The following PCDH15 variants were observed in gnomAD, a reference collection of about 807,000 sequenced individuals.
PCDH15 encodes protocadherin related 15.
PCDH15 carries 129 observed loss-of-function variants against 178.5 expected under a neutral mutation model. That is an observed-to-expected ratio of 0.72 (90% CI 0.63 to 0.84). PCDH15 has a LOEUF of 0.84. Ranked by LOEUF, PCDH15 falls within the 40% of genes least tolerant of loss-of-function variation. The pLI is 0.00. For synonymous variants in PCDH15, 800 were observed against 732.0 expected (o/e 1.09, Z -1.50); for missense variants, 2,230 against 2,099.9 (o/e 1.06, Z -1.21).
At chr10:54,753,862 T>A (rs1277279781) in intron 1 of PCDH15, among the ~76,000 whole-genome samples, 1 of 94,126 alleles carries the variant, frequency 1.1e-5, no homozygotes, top group African/African-American at 3.7e-5. Flanking sequence ...TTCTATTGTT[T>A]TTTTTTTGTT....
chr10:55,055,228 A>G (rs1257576571), intron 2 of PCDH15, among the ~76,000 whole-genome samples: 2 of 152,180 alleles, frequency 1.3e-5, no homozygotes, highest in Non-Finnish European at 2.9e-5. Context: ...TCTTTTGCAT[A>G]TGGCTAGCCT....
intron 2 of PCDH15, among the ~76,000 whole-genome samples, chr10:55,460,568 C>T (rs1004876493): frequency 6.6e-6 from 1 of 151,998 alleles, no homozygotes; most frequent in Admixed American, 6.6e-5. Context: ...TCAACTTGGG[C>T]CTTTTTAAAA....
intron 35 of PCDH15, among the ~76,000 whole-genome samples, chr10:53,811,840 G>T (rs748453453): frequency 3.9e-5 from 6 of 152,050 alleles, no homozygotes; most frequent in Non-Finnish European, 8.8e-5. Flanking sequence ...ACAAAATAAG[G>T]TTATATAATT....
At chr10:54,585,246 A>C (rs1429820815) in intron 2 of PCDH15, among the ~76,000 whole-genome samples, 3 of 152,116 alleles carry the variant, frequency 2.0e-5, no homozygotes, top group African/African-American at 7.2e-5. Context: ...TGGAATATCT[A>C]TCCTGTGCGG....
At chr10:55,365,739 C>T (rs987192859) in intron 2 of PCDH15, among the ~76,000 whole-genome samples, 4 of 152,078 alleles carry the variant, frequency 2.6e-5, no homozygotes, top group Admixed American at 1.3e-4. Flanking sequence ...TTTCACCTTC[C>T]GCCATGACTG....
At chr10:54,269,578 C>G (rs561631056) in intron 8 of PCDH15, among the ~76,000 whole-genome samples, 99 of 152,058 alleles carry the variant, frequency 6.5e-4, no homozygotes, top group African/African-American at 2.3e-3. Context: ...TGATTCTTCA[C>G]TTGGTATGCA....
chr10:55,451,234 C>T (rs969143389), intron 2 of PCDH15, among the ~76,000 whole-genome samples: 3 of 152,040 alleles, frequency 2.0e-5, no homozygotes, highest in Non-Finnish European at 4.4e-5. Flanking sequence ...CGTGGTGGCT[C>T]ACACCTGTAA....
chr10:54,043,922 A>G (rs754031530), intron 18 of PCDH15, among the ~76,000 whole-genome samples: 6 of 152,138 alleles, frequency 3.9e-5, no homozygotes, highest in Non-Finnish European at 5.9e-5. Context: ...ATACCTTACC[A>G]TCTTGTAAGC....
At chr10:54,324,125 A>G (rs1591800668) in intron 7 of PCDH15, among the ~76,000 whole-genome samples, 2 of 152,264 alleles carry the variant, frequency 1.3e-5, no homozygotes, top group South Asian at 4.1e-4. Flanking sequence ...TACAATTAAC[A>G]CTAATTCCAC....
rs546681216 is a variant in PCDH15, at chr10:55,387,044, G to A, written c.-155-220393C>T. On this transcript the variant is annotated intron_variant, in intron 2 of 5. Transcript: ENST00000613346. ...AAAATAGAATAGATAAATTATAATCGGAAGCTGATTCATTTTTACATAAAC... is the reference window on the plus strand; with the variant it reads ...AAAATAGAATAGATAAATTATAATCAGAAGCTGATTCATTTTTACATAAAC... 5.9e-5 allele frequency among the ~76,000 whole-genome samples: 9 copies of A among 151,960 alleles called. No individual in the cohort carries two copies. The South Asian group carries it at 1.2e-3, about 21-fold the overall frequency.
intron 1 of PCDH15, among the ~76,000 whole-genome samples, chr10:55,268,479 A>G (rs1842357843): frequency 6.6e-6 from 1 of 152,186 alleles, no homozygotes; most frequent in Admixed American, 6.6e-5. Context: ...ACTTTAACAT[A>G]TAGTTCATAT....
intron 3 of PCDH15, among the ~76,000 whole-genome samples, chr10:54,823,125 GCCCAC>G (rs1953074335): frequency 6.6e-6 from 1 of 151,934 alleles, no homozygotes; most frequent in Non-Finnish European, 1.5e-5. Context: ...TAAGTGATCT[GCCCAC>G]CTCAGCCTCC....
Position 55,218,751 on chromosome 10 carries a change from T to G in PCDH15, c.-155-52100A>C, listed in dbSNP as rs576789126. 1.5e-3 allele frequency among the ~76,000 whole-genome samples: 223 copies of G among 152,134 alleles called. 3 individuals are homozygous for G. The highest frequency in any genetic ancestry group is 2.4e-3 in the Non-Finnish European group (160 of 67,950). On this transcript the variant is annotated intron_variant, in intron 1 of 5. Coordinates refer to the PCDH15 transcript ENST00000458638. ...AAAACTTTGGGCACTTTGCTGAGCC[T>G]CTCTGAAAATGGAGCTATCTCAAAT...
chr10:54,535,399 C>T (rs1468310486), intron 2 of PCDH15, among the ~76,000 whole-genome samples: 1 of 151,922 alleles, frequency 6.6e-6, no homozygotes, highest in Non-Finnish European at 1.5e-5. Flanking sequence ...GGTCAGAGAC[C>T]AGAAGCCCAT....
chr10:54,242,369 T>C lies in PCDH15; in HGVS notation c.877-5438A>G, dbSNP rs935424083. ...AAGAGAAACACTCAGATTTCAGAGA[T>C]TGGATACATTCACTGTTTAGCTTAT... is the stretch of plus-strand genomic sequence containing the variant. On this transcript the variant is annotated intron_variant, in intron 8 of 37. Coordinates refer to ENST00000644397, the MANE Select transcript of PCDH15 (RefSeq NM_001384140.1). Among the ~76,000 whole-genome samples the C allele has an allele frequency of 2.6e-5, 4 of 151,484 alleles. No individual in the cohort carries two copies. In the South Asian group the frequency reaches 6.3e-4, roughly 24 times the overall value.
intron 3 of PCDH15, among the ~76,000 whole-genome samples, chr10:54,463,057 G>A (rs2136508334): frequency 6.6e-6 from 1 of 152,090 alleles, no homozygotes; most frequent in Non-Finnish European, 1.5e-5. Flanking sequence ...CTCGTTATAA[G>A]ATCAATCAGT....
intron 1 of PCDH15, among the ~76,000 whole-genome samples, chr10:54,764,883 G>C (rs1044340690): frequency 6.6e-6 from 1 of 152,036 alleles, no homozygotes; most frequent in African/African-American, 2.4e-5. Flanking sequence ...AAGAATTTTT[G>C]TAAGTCTTGC....
chr10:54,076,228 T>C (rs972211652), intron 17 of PCDH15, among the ~76,000 whole-genome samples: 4 of 152,180 alleles, frequency 2.6e-5, no homozygotes, highest in Non-Finnish European at 5.9e-5. Context: ...CTATTGCAAA[T>C]TGAATTGTTT....
intron 28 of PCDH15, among the ~76,000 whole-genome samples, chr10:53,843,412 T>C (rs992061848): frequency 6.6e-6 from 1 of 151,726 alleles, no homozygotes; most frequent in Non-Finnish European, 1.5e-5. Context: ...TATATACATA[T>C]ACCCCCACAC....
Sources: allele counts gnomAD v4.1 joint callset (sites outside exome capture counted in the v4.1 genomes callset), GRCh38; gene constraint gnomAD v4.1.1; transcripts MANE v1.5; gene names NCBI Gene and HGNC (gene_info 2026-07-23, HGNC 2026-07-21).